Variants in TMCO5A observed in about 807,000 individuals in gnomAD.
TMCO5A encodes the protein transmembrane and coiled-coil domain-containing protein 5A.
A neutral mutation model predicts 42.3 loss-of-function variants in TMCO5A; 34 were observed. The ratio of observed to expected loss-of-function variants is 0.80; its 90% CI spans 0.61 to 1.07. TMCO5A has a LOEUF of 1.07. TMCO5A is among the 50% of genes least tolerant of loss of function. The pLI is 0.00. For synonymous variants in TMCO5A, 131 were observed against 115.6 expected, an observed-to-expected ratio of 1.13 and a Z score of -0.86; for missense variants, 357 against 327.9, an observed-to-expected ratio of 1.09 and a Z score of -0.69.
chr15:38,000,299 T>G, the TMCO5A span, among the ~76,000 whole-genome samples: 1 of 152,196 alleles, frequency 6.6e-6, no homozygotes, highest in African/African-American at 2.4e-5. Context: ...TCCCAATTTA[T>G]TGGCATAAAG....
chr15:38,039,797 C>T, the TMCO5A span, among the ~76,000 whole-genome samples: 1 of 152,226 alleles, frequency 6.6e-6, no homozygotes, highest in Non-Finnish European at 1.5e-5. Flanking sequence ...TTGCCACAAA[C>T]TTAGCTACAC....
the TMCO5A span, among the ~76,000 whole-genome samples, chr15:38,038,566 C>T: frequency 0.02 from 3,014 of 152,056 alleles, 94 homozygotes; most frequent in African/African-American, 0.065. Context: ...CCACCACGCC[C>T]GGCTAATTTT....
intron 11 of TMCO5A, among the ~76,000 whole-genome samples, chr15:37,964,123 G>A (rs1019815066): frequency 6.6e-6 from 1 of 152,112 alleles, no homozygotes; most frequent in East Asian, 1.9e-4. Context: ...TCTCATTTGG[G>A]TAGGCCCTGT....
chr15:37,999,629 G>GA, the TMCO5A span, among the ~76,000 whole-genome samples: 1 of 152,014 alleles, frequency 6.6e-6, no homozygotes, highest in African/African-American at 2.4e-5. Flanking sequence ...AAAGATTTTG[G>GA]TTTTTCCTCA....
At chr15:38,014,542 C>A in the TMCO5A span, among the ~76,000 whole-genome samples, 1 of 152,252 alleles carries the variant, frequency 6.6e-6, no homozygotes. Flanking sequence ...GTATACCAAT[C>A]TCTCTGTAGC....
At chr15:38,001,101 A>G in the TMCO5A span, among the ~76,000 whole-genome samples, 3 of 152,184 alleles carry the variant, frequency 2.0e-5, no homozygotes, top group East Asian at 3.9e-4. Flanking sequence ...TTGGATGTGG[A>G]AGTCTCTGGC....
the TMCO5A span, among the ~76,000 whole-genome samples, chr15:38,007,934 T>G: frequency 1.6e-5 from 2 of 127,494 alleles, no homozygotes; most frequent in African/African-American, 3.0e-5. Flanking sequence ...CTCTCTCTGT[T>G]GCCCAGGCTG....
chr15:37,966,140 C>T (rs984851120), intron 11 of TMCO5A, among the ~76,000 whole-genome samples: 4 of 152,006 alleles, frequency 2.6e-5, no homozygotes, highest in Admixed American at 1.3e-4. Flanking sequence ...ATGAAATTAC[C>T]CATGCACAGA....
the TMCO5A span, among the ~76,000 whole-genome samples, chr15:38,025,601 G>A: frequency 6.6e-6 from 1 of 152,076 alleles, no homozygotes; most frequent in Non-Finnish European, 1.5e-5. Flanking sequence ...TAAAATACAT[G>A]TTTTTTTGAA....
chr15:37,958,956 C>A (rs907908483), intron 11 of TMCO5A, among the ~76,000 whole-genome samples: 4 of 152,128 alleles, frequency 2.6e-5, no homozygotes, highest in Admixed American at 1.3e-4. Context: ...AGGATGAGTT[C>A]ATGTACTTTG....
At chr15:37,941,252 T>A in intron 7 of TMCO5A, 47 bp downstream of exon 7, 2 of 1,571,836 alleles carry the variant, frequency 1.3e-6, no homozygotes, top group Non-Finnish European at 1.7e-6. Flanking sequence ...AAGGGAAATG[T>A]GATCTTTGGT....
chr15:37,998,466 C>T, the TMCO5A span, among the ~76,000 whole-genome samples: 2 of 152,154 alleles, frequency 1.3e-5, no homozygotes, highest in Admixed American at 6.5e-5. Context: ...GTCTTTTACC[C>T]TCTGTGTGTT....
chr15:37,973,148 C>A, the TMCO5A span, among the ~76,000 whole-genome samples: 2 of 130,992 alleles, frequency 1.5e-5, no homozygotes, highest in African/African-American at 3.9e-5. Flanking sequence ...TTTTTATTTT[C>A]TTTTTTTCCT....
chr15:37,999,157 C>T, the TMCO5A span, among the ~76,000 whole-genome samples: 1 of 152,218 alleles, frequency 6.6e-6, no homozygotes, highest in Non-Finnish European at 1.5e-5. Flanking sequence ...CTGCCTGCCT[C>T]AGCCTCCCAA....
chr15:37,963,806 T>C (rs974360733), intron 11 of TMCO5A, among the ~76,000 whole-genome samples: 2 of 152,228 alleles, frequency 1.3e-5, no homozygotes, highest in African/African-American at 4.8e-5. Context: ...TTATACAATG[T>C]CCCTCTTTCT....
intron 9 of TMCO5A, 191 bp from the exon 10 acceptor site, chr15:37,943,150 G>A (rs998887189): frequency 4.2e-6 from 2 of 480,146 alleles, no homozygotes; most frequent in Non-Finnish European, 7.2e-6. Context: ...TGGCAATTGA[G>A]TACATAAAAG....
At chr15:37,986,111 TA>T in the TMCO5A span, among the ~76,000 whole-genome samples, 3 of 152,238 alleles carry the variant, frequency 2.0e-5, no homozygotes, top group Admixed American at 1.3e-4. Context: ...CACAGAATCA[TA>T]GAAACTTGGG....
the TMCO5A span, chr15:37,994,750 C>T: frequency 6.6e-6 from 1 of 152,158 alleles, no homozygotes; most frequent in Admixed American, 6.5e-5. Flanking sequence ...CAATCTGAAA[C>T]TCCAGAGATA....
chr15:37,941,244 G>T (rs369025776), intron 7 of TMCO5A, 39 bp downstream of exon 7: 2 of 1,593,164 alleles, frequency 1.3e-6, no homozygotes, highest in Admixed American at 1.7e-5. Context: ...TCCCCAAAAA[G>T]GGAAATGTGA....
Sources: allele counts gnomAD v4.1 joint callset (sites outside exome capture counted in the v4.1 genomes callset), GRCh38; gene constraint gnomAD v4.1.1; transcripts MANE v1.5; gene names NCBI Gene and HGNC (gene_info 2026-07-23, HGNC 2026-07-21).